SUPT3H: variants seen among roughly 807,000 people sequenced by gnomAD.
SUPT3H encodes the protein transcription initiation protein SPT3 homolog.
A neutral mutation model predicts 44.3 loss-of-function variants in SUPT3H; 44 were observed. The observed-to-expected ratio is 0.99, with a 90% confidence interval of 0.78 to 1.28. The LOEUF (loss-of-function observed/expected upper bound fraction) is 1.28. Ranked by LOEUF, SUPT3H falls within the 50% of genes most tolerant of loss-of-function variation. The probability of loss-of-function intolerance (pLI) is 0.00; values close to 1 mark genes in which losing one functional copy is unlikely to be tolerated. For missense variants in SUPT3H, 380 were observed against 387.1 expected (o/e 0.98, Z 0.15); for synonymous variants, 124 against 125.6 (o/e 0.99, Z 0.09).
chr6:45,079,050 C>T (rs1795398813), intron 3 of SUPT3H, among the ~76,000 whole-genome samples: 1 of 152,138 alleles, frequency 6.6e-6, no homozygotes, highest in Non-Finnish European at 1.5e-5. Context: ...GTGGCTCATG[C>T]CTATAATCCC....
chr6:45,111,539 C>CCA (rs1800066126), intron 2 of SUPT3H, among the ~76,000 whole-genome samples: 9 of 142,324 alleles, frequency 6.3e-5, no homozygotes, highest in African/African-American at 1.0e-4. Flanking sequence ...CTCCCCCCCG[C>CCA]AAAAAAAACA....
intron 3 of SUPT3H, among the ~76,000 whole-genome samples, chr6:45,062,297 T>A (rs543000920): frequency 6.6e-6 from 1 of 152,190 alleles, no homozygotes; most frequent in African/African-American, 2.4e-5. Context: ...ATTATAAATC[T>A]ACACTGTACT....
chr6:44,901,532 C>A (rs1165556000), intron 10 of SUPT3H, among the ~76,000 whole-genome samples: 8 of 151,662 alleles, frequency 5.3e-5, no homozygotes, highest in Admixed American at 5.3e-4. Context: ...GTGAAAAGAC[C>A]AAATCTACGT....
intron 11 of SUPT3H, among the ~76,000 whole-genome samples, chr6:44,810,371 G>T (rs976168939): frequency 6.6e-6 from 1 of 152,092 alleles, no homozygotes; most frequent in Non-Finnish European, 1.5e-5. Context: ...AGTAGTGGTT[G>T]TAAGTATTTC....
At chr6:44,863,810 G>A (rs535515890) in intron 10 of SUPT3H, among the ~76,000 whole-genome samples, 1 of 152,116 alleles carries the variant, frequency 6.6e-6, no homozygotes, top group Non-Finnish European at 1.5e-5. Context: ...GAAGGCAAGA[G>A]TCACGTCTCA....
intron 3 of SUPT3H, among the ~76,000 whole-genome samples, chr6:45,097,166 T>A: frequency 6.6e-6 from 1 of 152,204 alleles, no homozygotes; most frequent in East Asian, 1.9e-4. Flanking sequence ...CTGTTCTGGT[T>A]GAATTTGGGG....
At chr6:45,179,705 A>G (rs539578267) in intron 2 of SUPT3H, among the ~76,000 whole-genome samples, 1 of 151,806 alleles carries the variant, frequency 6.6e-6, no homozygotes, top group East Asian at 1.9e-4. Flanking sequence ...CTCTCAATAA[A>G]TTAGGGACGT....
intron 2 of SUPT3H, among the ~76,000 whole-genome samples, chr6:45,183,877 C>T (rs1410301547): frequency 1.3e-5 from 2 of 152,014 alleles, no homozygotes; most frequent in Non-Finnish European, 2.9e-5. Flanking sequence ...AAAAGCAAAA[C>T]GATGGAGATG....
intron 2 of SUPT3H, among the ~76,000 whole-genome samples, chr6:45,361,921 C>T (rs1737322863): frequency 6.6e-6 from 1 of 152,120 alleles, no homozygotes; most frequent in Non-Finnish European, 1.5e-5. Context: ...CGTGGTAGCG[C>T]ATGCCTGTAT....
At chr6:45,017,312 G>A (rs1784444890) in intron 4 of SUPT3H, among the ~76,000 whole-genome samples, 1 of 149,616 alleles carries the variant, frequency 6.7e-6, no homozygotes, top group Non-Finnish European at 1.5e-5. Context: ...TCACTCTGAT[G>A]GTAGTTTCTT....
intron 10 of SUPT3H, among the ~76,000 whole-genome samples, chr6:44,860,089 T>C (rs775454562): frequency 6.6e-6 from 1 of 152,188 alleles, no homozygotes; most frequent in Non-Finnish European, 1.5e-5. Flanking sequence ...TAAACACTCT[T>C]AATAAACATC....
chr6:44,913,624 C>T (rs1289216597), intron 10 of SUPT3H, among the ~76,000 whole-genome samples: 7 of 152,098 alleles, frequency 4.6e-5, no homozygotes, highest in African/African-American at 1.7e-4. Flanking sequence ...GATGACTACA[C>T]ATAAAAATGT....
intron 2 of SUPT3H, chr6:45,328,650 T>G (rs781482843): frequency 4.3e-6 from 7 of 1,610,894 alleles, no homozygotes; most frequent in Admixed American, 1.7e-5. Flanking sequence ...GGGTATGGTT[T>G]GTATTTTCAG....
chr6:44,974,242 CAT>C (rs1306614824), intron 6 of SUPT3H, among the ~76,000 whole-genome samples: 2 of 151,532 alleles, frequency 1.3e-5, no homozygotes, highest in African/African-American at 4.9e-5. Flanking sequence ...TTCATATATA[CAT>C]GTTTGTATAT....
intron 10 of SUPT3H, among the ~76,000 whole-genome samples, chr6:44,879,651 G>A (rs947454387): frequency 2.0e-5 from 3 of 148,972 alleles, no homozygotes; most frequent in Admixed American, 2.0e-4. Flanking sequence ...CCCAGTAGGG[G>A]CTGACAGACA....
intron 2 of SUPT3H, among the ~76,000 whole-genome samples, chr6:45,282,677 A>G (rs959468016): frequency 1.2e-4 from 19 of 152,264 alleles, no homozygotes; most frequent in African/African-American, 3.8e-4. Context: ...TATTATCCAG[A>G]AGAACTTCCC....
rs1478001126 is a variant in SUPT3H at position 45,003,729 on chromosome 6, G to C, written c.428C>G (p.Ser143Cys). 1.2e-6 allele frequency: 2 copies of C among 1,613,808 alleles called. No homozygotes were observed. The highest frequency in any genetic ancestry group is 1.7e-6 in the Non-Finnish European group (2 of 1,179,842). ...RQKIAQDFLN[S>C]IDQTGELLAM... is the part of the protein sequence containing the mutation. Reference sequence around the variant, plus strand: ...TAAAAGTTCTCCTGTCTGGTCAATAGAGTTGAGGAAGTCCTGAGCAATCTT... The same window carrying C: ...TAAAAGTTCTCCTGTCTGGTCAATACAGTTGAGGAAGTCCTGAGCAATCTT... Residue 143 changes from serine (S) to cysteine (C), a missense_variant, in exon 6 of 11, where the codon TCT (serine) becomes TGT (cysteine). By Grantham distance (112) the Ser-to-Cys change is moderately radical. Coordinates refer to ENST00000371459, the MANE Select transcript of SUPT3H (RefSeq NM_003599.4).
chr6:45,126,700 G>A (rs1425055832), intron 2 of SUPT3H, among the ~76,000 whole-genome samples: 2 of 152,146 alleles, frequency 1.3e-5, no homozygotes, highest in Non-Finnish European at 2.9e-5. Context: ...TAAGGGAGAA[G>A]CCTGGAATTT....
chr6:44,818,386 A>C (rs1416018820), intron 11 of SUPT3H, among the ~76,000 whole-genome samples: 1 of 152,184 alleles, frequency 6.6e-6, no homozygotes, highest in Admixed American at 6.5e-5. Context: ...TAGGAGAAAG[A>C]AAGCCTTTGT....
Sources: allele counts gnomAD v4.1 joint callset (sites outside exome capture counted in the v4.1 genomes callset), GRCh38; gene constraint gnomAD v4.1.1; transcripts MANE v1.5; gene names NCBI Gene and HGNC (gene_info 2026-07-23, HGNC 2026-07-21).